Variants in AKAP6 observed in about 807,000 individuals in gnomAD.
AKAP6 encodes the protein A-kinase anchor protein 6.
Under a neutral mutation model 188.5 loss-of-function variants are expected in AKAP6, and 58 were observed. That is an observed-to-expected ratio of 0.31 (90% CI 0.25 to 0.38). AKAP6 has a LOEUF of 0.38. AKAP6 is among the 10% of genes least tolerant of loss of function. The probability of loss-of-function intolerance (pLI) is 1.00; values close to 1 mark genes in which losing one functional copy is unlikely to be tolerated. For synonymous variants in AKAP6, 989 were observed against 998.6 expected (o/e 0.99, Z 0.18); for missense variants, 2,710 against 2,740.0 (o/e 0.99, Z 0.24).
At chr14:32,356,153 A>C (rs1350494369) in intron 1 of AKAP6, among the ~76,000 whole-genome samples, 1 of 152,214 alleles carries the variant, frequency 6.6e-6, no homozygotes, top group Non-Finnish European at 1.5e-5. Context: ...GAGAAATTTT[A>C]GTTCATGAAA....
In AKAP6 at chr14:32,329,335, A is replaced by AC. The variant is rs2138376888; in HGVS notation, c.-107dup. 1 of 152,270 alleles carries AC rather than the reference A, an allele frequency of 6.6e-6. No individual in the cohort carries two copies. Among genetic ancestry groups the AC allele is most frequent in the African/African-American group, 2.4e-5 (1 of 41,578 alleles). 9.4% of individuals were successfully genotyped at this position (152,270 alleles called of 1,614,324 possible). A position where few individuals can be genotyped will look rare whatever the true frequency, so the allele number is the denominator to read the frequency against. ...GTCACAGCATCATGCAGCAGGTCAA[A>AC]CAAGGCATCTCCTAGTATTGCATCC... On this transcript the variant is annotated 5_prime_UTR_variant, in exon 1 of 14. An upstream open reading frame in the 5' UTR loses its in-frame stop. Coordinates refer to ENST00000280979, the MANE Select transcript of AKAP6 (RefSeq NM_004274.5).
At chr14:32,700,839 G>A (rs974711615) in intron 9 of AKAP6, among the ~76,000 whole-genome samples, 2 of 152,270 alleles carry the variant, frequency 1.3e-5, no homozygotes, top group East Asian at 3.9e-4. Flanking sequence ...TGGGGAGAAA[G>A]GGAGAGATTA....
chr14:32,619,441 A>G (rs1020116490), intron 7 of AKAP6, among the ~76,000 whole-genome samples: 1 of 151,784 alleles, frequency 6.6e-6, no homozygotes, highest in East Asian at 1.9e-4. Flanking sequence ...TCTTTCTCCA[A>G]TTTATGTTTT....
chr14:32,515,778 A>T (rs1213566619), intron 2 of AKAP6, among the ~76,000 whole-genome samples: 2 of 152,144 alleles, frequency 1.3e-5, no homozygotes, highest in African/African-American at 2.4e-5. Context: ...CTTTCGTTTC[A>T]TGGTTTGTGA....
At chr14:32,518,712 C>T (rs1347526953) in intron 2 of AKAP6, among the ~76,000 whole-genome samples, 12 of 152,168 alleles carry the variant, frequency 7.9e-5, no homozygotes, top group South Asian at 2.1e-4. Flanking sequence ...ACCAAATCTA[C>T]GTCTGATTGG....
chr14:32,450,286 G>T lies in AKAP6; in HGVS notation c.324+16469G>T, dbSNP rs10483408. Among the ~76,000 whole-genome samples the T allele has an allele frequency of 3.9e-3, 601 of 152,160 alleles. 5 individuals are homozygous for T. The highest frequency in any genetic ancestry group is 0.013 in the African/African-American group (533 of 41,524). On this transcript the variant is annotated intron_variant, in intron 2 of 13. Transcript: ENST00000280979. ...AATCCAAATACTGCTTGCTGATTTT[G>T]TGACTGTGGTAGGGTGAGCTGGGAT...
intron 5 of AKAP6, among the ~76,000 whole-genome samples, chr14:32,582,860 C>G (rs918716383): frequency 6.6e-6 from 1 of 152,106 alleles, no homozygotes; most frequent in Non-Finnish European, 1.5e-5. Flanking sequence ...AAGCACTTCT[C>G]TGTATTGGTT....
At chr14:32,346,786 G>A (rs1887082478) in intron 1 of AKAP6, among the ~76,000 whole-genome samples, 1 of 152,198 alleles carries the variant, frequency 6.6e-6, no homozygotes, top group African/African-American at 2.4e-5. Flanking sequence ...GGGATTACAG[G>A]CGTGAGCCAC....
chr14:32,694,072 G>GT (rs1290134190), intron 8 of AKAP6, among the ~76,000 whole-genome samples: 2 of 151,974 alleles, frequency 1.3e-5, no homozygotes, highest in African/African-American at 4.8e-5. Flanking sequence ...AGAAAGTGTG[G>GT]TCCATGGGGC....
chr14:32,581,910 C>G (rs1566587655), intron 5 of AKAP6, among the ~76,000 whole-genome samples: 1 of 152,110 alleles, frequency 6.6e-6, no homozygotes, highest in Non-Finnish European at 1.5e-5. Context: ...GATGGGTTTC[C>G]TGAATACAGC....
intron 7 of AKAP6, among the ~76,000 whole-genome samples, chr14:32,628,305 T>C (rs1450492712): frequency 6.6e-6 from 1 of 152,122 alleles, no homozygotes; most frequent in Non-Finnish European, 1.5e-5. Flanking sequence ...TTAAATGATA[T>C]TAACTTCAAT....
intron 1 of AKAP6, among the ~76,000 whole-genome samples, chr14:32,398,821 CCTCT>C (rs1482831090): frequency 2.2e-5 from 3 of 133,936 alleles, no homozygotes; most frequent in Admixed American, 7.4e-5. Flanking sequence ...CCCCTCTCTC[CCTCT>C]CTCTCTCTCT....
intron 2 of AKAP6, among the ~76,000 whole-genome samples, chr14:32,528,832 T>C (rs10149121): frequency 0.53 from 80,007 of 151,802 alleles, 22,848 homozygotes; most frequent in African/African-American, 0.76. Context: ...CATGCAACAC[T>C]GCTCCCAGCT....
At chr14:32,456,226 G>A (rs17410904) in intron 2 of AKAP6, among the ~76,000 whole-genome samples, 33,715 of 151,980 alleles carry the variant, frequency 0.22, 4,835 homozygotes, top group Middle Eastern at 0.36. Flanking sequence ...TATATGAAAA[G>A]CAACATTCAC....
At chr14:32,560,948 C>T (rs1036654560) in intron 4 of AKAP6, among the ~76,000 whole-genome samples, 4 of 152,056 alleles carry the variant, frequency 2.6e-5, no homozygotes, top group African/African-American at 9.7e-5. Flanking sequence ...ATTTAATTCT[C>T]AAGAAAAAAA....
chr14:32,718,686 A>G (rs2030363007), intron 9 of AKAP6, among the ~76,000 whole-genome samples: 1 of 152,172 alleles, frequency 6.6e-6, no homozygotes, highest in Non-Finnish European at 1.5e-5. Flanking sequence ...GAAAATTGAG[A>G]ATAATATTCC....
intron 12 of AKAP6, among the ~76,000 whole-genome samples, chr14:32,775,273 T>A (rs182966321): frequency 6.6e-6 from 1 of 152,002 alleles, no homozygotes; most frequent in Non-Finnish European, 1.5e-5. Flanking sequence ...CCATAAGATA[T>A]ATGCAAAAAT....
chr14:32,529,766 T>C lies in AKAP6; in HGVS notation c.325-5788T>C, dbSNP rs114515491. 4.5e-3 allele frequency among the ~76,000 whole-genome samples: 678 copies of C among 152,292 alleles called. 5 individuals carry two copies. Among genetic ancestry groups the C allele is most frequent in the African/African-American group, 0.015 (634 of 41,560 alleles). Reference sequence around the variant, plus strand: ...GATTTTGATAGTCAACTGAAGATTATACTCTGCAATAGGAAGATTTTTTGT... The same window carrying C: ...GATTTTGATAGTCAACTGAAGATTACACTCTGCAATAGGAAGATTTTTTGT... On this transcript the variant is annotated intron_variant, in intron 2 of 13. Transcript: ENST00000280979.
At chr14:32,597,340 G>C (rs1885747302) in intron 5 of AKAP6, among the ~76,000 whole-genome samples, 1 of 152,132 alleles carries the variant, frequency 6.6e-6, no homozygotes, top group South Asian at 2.1e-4. Flanking sequence ...TAAATTTACA[G>C]TTATGAGAAA....
Sources: allele counts gnomAD v4.1 joint callset (sites outside exome capture counted in the v4.1 genomes callset), GRCh38; gene constraint gnomAD v4.1.1; transcripts MANE v1.5; gene names NCBI Gene and HGNC (gene_info 2026-07-23, HGNC 2026-07-21).